SMG1: variants seen among roughly 807,000 people sequenced by gnomAD.
The protein encoded by SMG1 is SMG1 nonsense mediated mRNA decay associated PI3K related kinase.
In SMG1, 22 loss-of-function variants were observed where a neutral mutation model predicts 419.9. That is an observed-to-expected ratio of 0.05 (90% CI 0.04 to 0.07). The LOEUF is 0.07. Among genes scored for constraint, SMG1 ranks in the 10% least tolerant of loss-of-function variants. The pLI, the probability that SMG1 is intolerant of heterozygous loss-of-function variation, is 1.00. For missense variants in SMG1, 3,185 were observed against 4,342.0 expected, an observed-to-expected ratio of 0.73 and a Z score of 7.49; for synonymous variants, 1,538 against 1,553.5, an observed-to-expected ratio of 0.99 and a Z score of 0.23.
chr16:18,865,040 A>T (rs2035426256), intron 23 of SMG1, among the ~76,000 whole-genome samples: 1 of 152,252 alleles, frequency 6.6e-6, no homozygotes. Context: ...ATCCAAGAAA[A>T]GATGCACAAG....
At chr16:18,858,335 G>T (rs1379480238) in intron 28 of SMG1, 45 bp from the exon 29 acceptor site, 1 of 1,555,302 alleles carries the variant, frequency 6.4e-7, no homozygotes, top group East Asian at 2.3e-5. Flanking sequence ...ACAGGCTGTT[G>T]ATATGTTTGC....
chr16:18,851,915 A>G (rs2034624832), intron 33 of SMG1, among the ~76,000 whole-genome samples, 152 bp downstream of exon 33: 1 of 152,226 alleles, frequency 6.6e-6, no homozygotes, highest in Non-Finnish European at 1.5e-5. Context: ...TTAGAAAAAT[A>G]TAACTCACTT....
chr16:18,904,007 G>A (rs1361711618), intron 1 of SMG1, among the ~76,000 whole-genome samples: 1 of 134,694 alleles, frequency 7.4e-6, no homozygotes, highest in Non-Finnish European at 1.5e-5. Context: ...ACGTGATCTC[G>A]ACTCACTGCA....
At chr16:18,918,297 A>T (rs2038055991) in intron 1 of SMG1, among the ~76,000 whole-genome samples, 1 of 152,160 alleles carries the variant, frequency 6.6e-6, no homozygotes, top group Admixed American at 6.5e-5. Context: ...CAAAGAAAAA[A>T]ACACTTGAAC....
intron 40 of SMG1, 63 bp from the exon 41 acceptor site, chr16:18,841,857 C>T: frequency 7.2e-7 from 1 of 1,389,358 alleles, no homozygotes. Context: ...GCATACCACT[C>T]CTCTTTTTCA....
In SMG1 at chr16:18,809,120, A is replaced by G. The variant is rs1470069069; in HGVS notation, c.*449T>C. On this transcript the variant is annotated 3_prime_UTR_variant, in exon 63 of 63. Transcript: ENST00000446231. ...TTACACGAGAATCTGAATGCATCAA[A>G]TCTTCCTTGGCTGTGATTTCTTCGC... 1.2e-5 allele frequency: 2 copies of G among 163,618 alleles called. No homozygotes were observed. The highest frequency in any genetic ancestry group is 1.2e-4 in the Admixed American group (2 of 16,792). 10.1% of individuals were successfully genotyped at this position (163,618 alleles called of 1,614,324 possible).
chr16:18,832,582 G>GCACACACACACACACA (rs3222694), intron 51 of SMG1, among the ~76,000 whole-genome samples: 20 of 148,396 alleles, frequency 1.3e-4, no homozygotes, highest in African/African-American at 4.7e-4. Flanking sequence ...CTATACACTT[G>GCACACACACACACACA]CACACACACA....
rs774273729 is a variant in SMG1, at chr16:18,817,477, A to C, written c.9895-7T>G. 1.3e-5 allele frequency: 20 copies of C among 1,560,554 alleles called. No individual in the cohort carries two copies. In the South Asian group the frequency reaches 2.2e-4, roughly 18 times the overall value. On this transcript the variant is annotated splice_region_variant and splice_polypyrimidine_tract_variant and intron_variant, in intron 56 of 62. Coordinates refer to ENST00000446231, the MANE Select transcript of SMG1 (RefSeq NM_015092.5). ...TGCTGCAGAGAAATGTGACCTGTAA[A>C]GACAGAAATGGAACCACAAGAGGAG...
intron 41 of SMG1, among the ~76,000 whole-genome samples, chr16:18,840,474 T>TA (rs1451702818): frequency 1.3e-5 from 2 of 152,200 alleles, no homozygotes; most frequent in Non-Finnish European, 2.9e-5. Flanking sequence ...TCTTTTCCCC[T>TA]ACCTACCCTT....
At chr16:18,884,195 G>C in intron 8 of SMG1, 28 bp from the exon 9 acceptor site, 1 of 1,189,988 alleles carries the variant, frequency 8.4e-7, no homozygotes, top group South Asian at 1.3e-5. Flanking sequence ...AATTGTGAAA[G>C]GGTAGGGGGG....
chr16:18,849,259 T>C lies in SMG1; in HGVS notation c.5581A>G (p.Ile1861Val), dbSNP rs369224021. ...DSPHLILYPA[I>V]VGTISLSSES... ...CTACTAAGCGATATGGTACCCACTA[T>C]TGCAGGATACAATATGAGATGTGGG... Residue 1861 changes from isoleucine (I) to valine (V), a missense_variant, in exon 36 of 63, where the codon ATA (isoleucine) becomes GTA (valine). Ile to Val is a conservative substitution (Grantham distance 29). Around this residue, in one of 27 missense-constraint regions of SMG1, gnomAD observed 130 missense variants for 162.0 expected, o/e 0.80. Coordinates refer to ENST00000446231, the MANE Select transcript of SMG1 (RefSeq NM_015092.5). The C allele has an allele frequency of 3.3e-5, 53 of 1,613,502 alleles. No individual in the cohort carries two copies. Among genetic ancestry groups the C allele is most frequent in the African/African-American group, 1.2e-4 (9 of 74,886 alleles).
At chr16:18,829,829 G>A in intron 53 of SMG1, 74 bp from the exon 54 acceptor site, 1 of 1,451,526 alleles carries the variant, frequency 6.9e-7, no homozygotes. Flanking sequence ...AGTATTTAAG[G>A]TGTCATGAAT....
chr16:18,880,317 A>G (rs1047842733), intron 10 of SMG1, among the ~76,000 whole-genome samples: 1 of 152,186 alleles, frequency 6.6e-6, no homozygotes, highest in African/African-American at 2.4e-5. Flanking sequence ...ATTTCTAATA[A>G]AATAGGGGAG....
intron 1 of SMG1, among the ~76,000 whole-genome samples, chr16:18,908,802 C>G (rs895654848): frequency 6.6e-6 from 1 of 151,160 alleles, no homozygotes; most frequent in East Asian, 2.0e-4. Flanking sequence ...ATGGCGTGAG[C>G]GCGGGAGGTG....
At chr16:18,872,839 C>T (rs1475187410) in intron 13 of SMG1, among the ~76,000 whole-genome samples, 12 of 152,136 alleles carry the variant, frequency 7.9e-5, no homozygotes, top group Non-Finnish European at 1.5e-5. Context: ...GCAGCAACTC[C>T]TCGTCTATCG....
chr16:18,847,308 C>T (rs2034323131), intron 38 of SMG1, 145 bp downstream of exon 38: 2 of 791,982 alleles, frequency 2.5e-6, no homozygotes, highest in East Asian at 2.7e-5. Flanking sequence ...GGAAATGGAC[C>T]GTGGTGATGG....
In SMG1 at chr16:18,852,167, G is replaced by T. The variant is rs201196669; in HGVS notation, c.4952C>A (p.Ser1651Tyr). The T allele has an allele frequency of 1.1e-5, 17 of 1,613,726 alleles. No homozygotes were observed. The highest frequency in any genetic ancestry group is 3.3e-4 in the Middle Eastern group (2 of 6,060). Residue 1651 changes from serine to tyrosine, a missense_variant, in exon 33 of 63, where the codon TCT (serine) becomes TAT (tyrosine). Physicochemically the swap from Ser to Tyr is moderately radical, Grantham distance 144. This residue lies in a region of SMG1 where 493 missense variants were observed against 552.9 expected (regional missense o/e 0.89). Transcript: ENST00000446231. ...EGVRLLPREK[S>Y]EVQNLLPDTI... ...GTCTGGAAGTAGATTCTGAACTTCA[G>T]ATTTTTCTCTAGGCAGCAGACGAAC...
intron 6 of SMG1, among the ~76,000 whole-genome samples, chr16:18,887,672 T>TTAAAAAA (rs1555502692): frequency 3.0e-5 from 2 of 65,688 alleles, no homozygotes; most frequent in Non-Finnish European, 5.3e-5. Context: ...ACTTTTTATT[T>TTAAAAAA]AAAAAAAAAA....
intron 54 of SMG1, 74 bp downstream of exon 54, chr16:18,829,212 G>A (rs1486610883): frequency 7.7e-7 from 1 of 1,290,638 alleles, no homozygotes; most frequent in Non-Finnish European, 1.0e-6. Context: ...TCTGTGTATT[G>A]TTTTAAATTA....
Sources: allele counts gnomAD v4.1 joint callset (sites outside exome capture counted in the v4.1 genomes callset), GRCh38; gene constraint gnomAD v4.1.1; regional missense constraint gnomAD v4.1.1; transcripts MANE v1.5; gene names NCBI Gene and HGNC (gene_info 2026-07-23, HGNC 2026-07-21).